TAFA5: variants seen among roughly 807,000 people sequenced by gnomAD.
TAFA5 encodes the protein chemokine-like protein TAFA-5.
In TAFA5, 6 loss-of-function variants were observed where a neutral mutation model predicts 15.3. The ratio of observed to expected loss-of-function variants is 0.39; its 90% CI spans 0.21 to 0.77. TAFA5 has a LOEUF of 0.77. Among genes scored for constraint, TAFA5 ranks in the 30% least tolerant of loss-of-function variants. The pLI is 0.41. For missense variants in TAFA5, 161 were observed against 193.1 expected (o/e 0.83, Z 0.98); for synonymous variants, 103 against 80.7 (o/e 1.28, Z -1.48).
chr22:48,727,453 A>G (rs1055443203), intron 3 of TAFA5, among the ~76,000 whole-genome samples: 1 of 152,210 alleles, frequency 6.6e-6, no homozygotes, highest in African/African-American at 2.4e-5. Context: ...CATAAAAGCT[A>G]TCACAAATAG....
At chr22:48,592,342 G>A (rs979486442) in intron 1 of TAFA5, among the ~76,000 whole-genome samples, 16 of 152,360 alleles carry the variant, frequency 1.1e-4, no homozygotes, top group Admixed American at 4.6e-4. Context: ...TGACCTGGTG[G>A]CTGTGTTCCC....
chr22:48,731,579 C>G (rs1373083447), intron 3 of TAFA5, among the ~76,000 whole-genome samples: 1 of 152,200 alleles, frequency 6.6e-6, no homozygotes, highest in Non-Finnish European at 1.5e-5. Flanking sequence ...ACCCCAGGTC[C>G]TTGAAGAATT....
intron 1 of TAFA5, among the ~76,000 whole-genome samples, chr22:48,606,955 G>A (rs1601611371): frequency 6.9e-6 from 1 of 144,064 alleles, no homozygotes; most frequent in Non-Finnish European, 1.5e-5. Flanking sequence ...CTGTGCCCAG[G>A]GCAAGCAGTA....
At chr22:48,504,786 C>G (rs181818488) in intron 1 of TAFA5, among the ~76,000 whole-genome samples, 1 of 152,250 alleles carries the variant, frequency 6.6e-6, no homozygotes, top group East Asian at 1.9e-4. Flanking sequence ...TGGGATGGCT[C>G]GCCGAATCCC....
chr22:48,496,149 C>G (rs181689260), intron 1 of TAFA5, among the ~76,000 whole-genome samples: 1 of 152,358 alleles, frequency 6.6e-6, no homozygotes, highest in South Asian at 2.1e-4. Flanking sequence ...CCTGAGCATG[C>G]ATCCCCATCC....
chr22:48,663,455 G>A (rs991887406), intron 2 of TAFA5, among the ~76,000 whole-genome samples: 5 of 152,250 alleles, frequency 3.3e-5, no homozygotes, highest in East Asian at 1.9e-4. Flanking sequence ...GCCGGCACAC[G>A]GTGACTTAGG....
chr22:48,563,013 G>C (rs1923290065), intron 1 of TAFA5, among the ~76,000 whole-genome samples: 1 of 152,236 alleles, frequency 6.6e-6, no homozygotes, highest in East Asian at 1.9e-4. Context: ...CCACACCAGA[G>C]CTGGGCTGGA....
chr22:48,542,135 GTAT>G (rs1922408547), intron 1 of TAFA5, among the ~76,000 whole-genome samples: 1 of 129,614 alleles, frequency 7.7e-6, no homozygotes, highest in Non-Finnish European at 1.6e-5. Context: ...TGTGTGATGT[GTAT>G]GTGTGTGTGT....
At chr22:48,597,877 A>G (rs1328717745) in intron 1 of TAFA5, among the ~76,000 whole-genome samples, 3 of 152,232 alleles carry the variant, frequency 2.0e-5, no homozygotes, top group Non-Finnish European at 4.4e-5. Context: ...GAGAAGGGAC[A>G]GTCGGGTTGG....
At chr22:48,576,370 A>C in intron 1 of TAFA5, 1 of 1,067,052 alleles carries the variant, frequency 9.4e-7, no homozygotes, top group Non-Finnish European at 1.1e-6. Flanking sequence ...TTGGCGGCGG[A>C]TGGAGGGCGC....
intron 2 of TAFA5, among the ~76,000 whole-genome samples, chr22:48,688,990 CG>C (rs1928450733): frequency 2.6e-5 from 2 of 77,236 alleles, no homozygotes; most frequent in African/African-American, 1.4e-4. Context: ...AGACTTGTCT[CG>C]GAAAAAAAAA....
chr22:48,531,304 G>C (rs1380742195), intron 1 of TAFA5, among the ~76,000 whole-genome samples: 1 of 152,208 alleles, frequency 6.6e-6, no homozygotes, highest in African/African-American at 2.4e-5. Context: ...CCTGGGCAGG[G>C]TGGGGCTGTG....
intron 2 of TAFA5, among the ~76,000 whole-genome samples, chr22:48,701,779 G>A (rs1053851866): frequency 1.3e-5 from 2 of 152,320 alleles, no homozygotes; most frequent in African/African-American, 4.8e-5. Flanking sequence ...AGGAGAGCCC[G>A]GCTCCTGCCC....
chr22:48,604,247 C>T (rs748505550), intron 1 of TAFA5, among the ~76,000 whole-genome samples: 5 of 152,230 alleles, frequency 3.3e-5, no homozygotes, highest in South Asian at 2.1e-4. Context: ...TCAGGCACTG[C>T]GTTCCTTCGT....
At chr22:48,718,661 C>G (rs1929477606) in intron 3 of TAFA5, among the ~76,000 whole-genome samples, 1 of 152,176 alleles carries the variant, frequency 6.6e-6, no homozygotes, top group African/African-American at 2.4e-5. Context: ...GGACCCTGGT[C>G]CCAGCCAGGC....
chr22:48,642,070 G>A (rs111916781), intron 1 of TAFA5, among the ~76,000 whole-genome samples: 1 of 151,774 alleles, frequency 6.6e-6, no homozygotes, highest in Non-Finnish European at 1.5e-5. Context: ...TGGTGGAGGG[G>A]CCTGCACTTT....
At chr22:48,531,893 G>C (rs530706090) in intron 1 of TAFA5, among the ~76,000 whole-genome samples, 1 of 152,332 alleles carries the variant, frequency 6.6e-6, no homozygotes, top group Admixed American at 6.5e-5. Flanking sequence ...GGAGAGGGTG[G>C]ACGTCCCACA....
At chr22:48,576,636 C>G in intron 1 of TAFA5, 1 of 1,291,654 alleles carries the variant, frequency 7.7e-7, no homozygotes, top group Non-Finnish European at 9.9e-7. Flanking sequence ...GGCTCCGGCG[C>G]CCGACCCGGC....
chr22:48,652,587 G>A (rs933636997), intron 2 of TAFA5, among the ~76,000 whole-genome samples: 6 of 152,204 alleles, frequency 3.9e-5, no homozygotes, highest in African/African-American at 1.2e-4. Context: ...CCAGGAGGGG[G>A]TCTGGGCCCT....
Sources: gnomAD v4.1 joint callset for allele counts (sites outside exome capture counted in the v4.1 genomes callset) on GRCh38, gnomAD v4.1.1 for gene constraint, MANE v1.5 for transcripts, NCBI Gene and HGNC (gene_info 2026-07-23, HGNC 2026-07-21) for gene names.